CCSER1: variants seen among roughly 807,000 people sequenced by gnomAD.
CCSER1 encodes the protein coiled-coil serine rich protein 1.
Under a neutral mutation model 82.0 loss-of-function variants are expected in CCSER1, and 41 were observed. The observed-to-expected ratio is 0.50, with a 90% confidence interval of 0.39 to 0.65. The LOEUF is 0.65. CCSER1 is among the 30% of genes least tolerant of loss of function. CCSER1 has a pLI of 0.00. For synonymous variants in CCSER1, 414 were observed against 383.9 expected (o/e 1.08, Z -0.92); for missense variants, 1,119 against 1,064.2 (o/e 1.05, Z -0.72).
At chr4:90,417,048 G>T (rs1560486545) in intron 4 of CCSER1, among the ~76,000 whole-genome samples, 3 of 152,136 alleles carry the variant, frequency 2.0e-5, no homozygotes, top group Non-Finnish European at 4.4e-5. Flanking sequence ...GGGCCTGTCA[G>T]TGGGTTGGGG....
intron 10 of CCSER1, 65 bp downstream of exon 10, chr4:91,086,059 T>C: frequency 1.1e-6 from 1 of 921,532 alleles, no homozygotes; most frequent in Non-Finnish European, 1.7e-6. Flanking sequence ...TGCAGTGATG[T>C]GGTGATGGTG....
intron 10 of CCSER1, among the ~76,000 whole-genome samples, chr4:91,242,257 G>A (rs879384515): frequency 1.3e-5 from 2 of 152,142 alleles, no homozygotes; most frequent in African/African-American, 4.8e-5. Context: ...AGGGAGTAAT[G>A]AACAAGGCAG....
At chr4:90,170,673 C>T (rs184030565) in intron 1 of CCSER1, among the ~76,000 whole-genome samples, 11 of 151,848 alleles carry the variant, frequency 7.2e-5, no homozygotes, top group Admixed American at 5.9e-4. Context: ...CCTCTAGTTC[C>T]GTCCATGTTT....
chr4:90,780,720 C>A, intron 7 of CCSER1: 1 of 1,293,366 alleles, frequency 7.7e-7, no homozygotes, highest in South Asian at 2.6e-5. Flanking sequence ...CCTCCTTGCT[C>A]CAAGAATACT....
At chr4:90,238,359 A>C (rs906750035) in intron 1 of CCSER1, among the ~76,000 whole-genome samples, 1 of 152,180 alleles carries the variant, frequency 6.6e-6, no homozygotes, top group Admixed American at 6.5e-5. Flanking sequence ...ATTCCTTTAG[A>C]TTACAAGAAG....
At chr4:91,154,932 A>G (rs1007237409) in intron 10 of CCSER1, among the ~76,000 whole-genome samples, 1 of 151,944 alleles carries the variant, frequency 6.6e-6, no homozygotes, top group Non-Finnish European at 1.5e-5. Flanking sequence ...CCACCTTTCT[A>G]AAATCACATA....
intron 9 of CCSER1, among the ~76,000 whole-genome samples, chr4:91,047,504 C>A (rs1742612897): frequency 6.6e-6 from 1 of 152,092 alleles, no homozygotes; most frequent in Non-Finnish European, 1.5e-5. Context: ...GACAAATTAC[C>A]TATTTTCCCT....
At chr4:90,907,498 T>C (rs2150176126) in intron 8 of CCSER1, among the ~76,000 whole-genome samples, 1 of 152,226 alleles carries the variant, frequency 6.6e-6, no homozygotes, top group Middle Eastern at 3.4e-3. Context: ...ATCACCTCAT[T>C]AATTTTCATT....
intron 10 of CCSER1, among the ~76,000 whole-genome samples, chr4:91,154,309 C>T (rs1158092835): frequency 6.6e-6 from 1 of 152,050 alleles, no homozygotes. Context: ...ACCCTCTGAG[C>T]CAGGCACGGG....
intron 4 of CCSER1, among the ~76,000 whole-genome samples, chr4:90,464,729 C>A (rs1375949533): frequency 6.6e-6 from 1 of 152,120 alleles, no homozygotes; most frequent in Non-Finnish European, 1.5e-5. Context: ...ATTTTTCAAC[C>A]CATGGATGCT....
intron 3 of CCSER1, among the ~76,000 whole-genome samples, chr4:90,333,513 C>T (rs1423951114): frequency 6.6e-6 from 1 of 152,084 alleles, no homozygotes; most frequent in Non-Finnish European, 1.5e-5. Flanking sequence ...ATGCTATTGC[C>T]ACTTGAAAGT....
intron 10 of CCSER1, among the ~76,000 whole-genome samples, chr4:91,465,968 A>G (rs1047813301): frequency 1.3e-5 from 2 of 152,198 alleles, no homozygotes; most frequent in African/African-American, 4.8e-5. Flanking sequence ...ATTCCAATCC[A>G]TAGAAAAAGA....
intron 9 of CCSER1, among the ~76,000 whole-genome samples, chr4:90,970,007 A>G (rs994388452): frequency 2.6e-5 from 4 of 151,896 alleles, no homozygotes; most frequent in Admixed American, 6.6e-5. Context: ...AAATCATAAA[A>G]TTACAAAGGA....
chr4:90,205,805 C>T (rs913845617), intron 1 of CCSER1, among the ~76,000 whole-genome samples: 11 of 152,072 alleles, frequency 7.2e-5, no homozygotes, highest in East Asian at 1.9e-4. Flanking sequence ...TGGTAGAATT[C>T]GGCTATGAAT....
intron 6 of CCSER1, chr4:90,663,850 C>G (rs1269281841): frequency 2.8e-6 from 1 of 357,812 alleles, no homozygotes; most frequent in African/African-American, 2.1e-5. Context: ...TATAGGTTCA[C>G]TTGTCAAGGA....
At chr4:90,436,371 A>C (rs962961899) in intron 4 of CCSER1, among the ~76,000 whole-genome samples, 2 of 152,226 alleles carry the variant, frequency 1.3e-5, no homozygotes, top group African/African-American at 4.8e-5. Context: ...AACTTTCAGC[A>C]GAAAACTAAG....
At chr4:90,510,390 C>T (rs1379611034) in intron 5 of CCSER1, among the ~76,000 whole-genome samples, 1 of 152,078 alleles carries the variant, frequency 6.6e-6, no homozygotes, top group African/African-American at 2.4e-5. Context: ...TTTCAAGTTA[C>T]CATTACAAAA....
At chr4:90,324,019 A>G (rs999032868) in intron 3 of CCSER1, among the ~76,000 whole-genome samples, 1 of 152,174 alleles carries the variant, frequency 6.6e-6, no homozygotes, top group African/African-American at 2.4e-5. Context: ...TTATGGCTGC[A>G]TAGTATTCCA....
At chr4:90,231,152 G>T (rs7681478) in intron 1 of CCSER1, among the ~76,000 whole-genome samples, 2 of 151,782 alleles carry the variant, frequency 1.3e-5, no homozygotes, top group Non-Finnish European at 2.9e-5. Context: ...TAGCAAAGCC[G>T]GGCAGAGACA....
Sources: allele counts gnomAD v4.1 joint callset (sites outside exome capture counted in the v4.1 genomes callset), GRCh38; gene constraint gnomAD v4.1.1; transcripts MANE v1.5; gene names NCBI Gene and HGNC (gene_info 2026-07-23, HGNC 2026-07-21).